NKD2: variants seen among roughly 807,000 people sequenced by gnomAD.
NKD2 encodes protein naked cuticle homolog 2.
In NKD2, 43 loss-of-function variants were observed where a neutral mutation model predicts 34.8. The ratio of observed to expected loss-of-function variants is 1.24; its 90% CI spans 0.97 to 1.60. The LOEUF (loss-of-function observed/expected upper bound fraction) is 1.60. NKD2 is among the 40% of genes most tolerant of loss of function. The probability of loss-of-function intolerance (pLI) is 0.00; values close to 1 mark genes in which losing one functional copy is unlikely to be tolerated. For synonymous variants in NKD2, 278 were observed against 265.1 expected (o/e 1.05, Z -0.47); for missense variants, 675 against 627.1 (o/e 1.08, Z -0.82).
chr5:1,021,957 C>G (rs1444391695), intron 3 of NKD2, among the ~76,000 whole-genome samples: 1 of 152,196 alleles, frequency 6.6e-6, no homozygotes, highest in Middle Eastern at 3.2e-3. Context: ...GGGCCGCCTG[C>G]AGCCTGCTGC....
intron 3 of NKD2, among the ~76,000 whole-genome samples, chr5:1,018,168 G>A (rs2150730887): frequency 6.6e-6 from 1 of 152,300 alleles, no homozygotes; most frequent in African/African-American, 2.4e-5. Context: ...TCTGCCAGAA[G>A]GAGCCACGGG....
chr5:1,025,860 C>T (rs915164177), intron 3 of NKD2, among the ~76,000 whole-genome samples: 76 of 101,258 alleles, frequency 7.5e-4, no homozygotes, highest in African/African-American at 1.9e-3. Context: ...CTGCTCTTCC[C>T]ACCCGCTGTG....
At chr5:1,018,722 G>A (rs955569046) in intron 3 of NKD2, among the ~76,000 whole-genome samples, 2 of 152,204 alleles carry the variant, frequency 1.3e-5, no homozygotes, top group Non-Finnish European at 1.5e-5. Flanking sequence ...GCTTCTGGCC[G>A]GTGGTCAGGA....
At position 1,009,707 on chromosome 5, in the gene NKD2, G is replaced by C. The variant is rs1411827864; in HGVS notation, c.141+147G>C. On this transcript the variant is annotated intron_variant, in intron 3 of 9. Transcript: ENST00000296849. The surrounding 1 kb of genome is among the most constrained non-coding windows in gnomAD (Gnocchi z 6.9). ...GAGTGACCGGGGGCCAGGAGAGCCA[G>C]TCTCTCCCCAGCCTCCACGACGTCT... is the stretch of plus-strand genomic sequence containing the variant. 9.5e-6 allele frequency: 6 copies of C among 631,804 alleles called. No homozygotes were observed. The highest frequency in any genetic ancestry group is 1.2e-5 in the Non-Finnish European group (5 of 405,926). The allele number at this position is 631,804 out of a possible 1,614,324, so 39.1% of individuals were successfully genotyped here. A position where few individuals can be genotyped will look rare whatever the true frequency, so the allele number is the denominator to read the frequency against.
chr5:1,035,296 GAATGAGTGAGTGAGTT>G (rs1733836098), intron 7 of NKD2, 77 bp from the exon 8 acceptor site: 2 of 996,540 alleles, frequency 2.0e-6, no homozygotes, highest in Middle Eastern at 2.1e-4. Context: ...ATGAATGAAT[GAATGAGTGAGTGAGTT>G]AATGAATGAG....
chr5:1,035,469 G>T lies in NKD2; in HGVS notation c.655G>T (p.Val219Phe). ...RVADRRLSAH[V>F]RRPSTDPQPC... ...GGCTGACAGGAGGTTGTCTGCACACGTCAGGTGAGGGCTGGGGTGCCAGGG... is the reference window on the plus strand; with the variant it reads ...GGCTGACAGGAGGTTGTCTGCACACTTCAGGTGAGGGCTGGGGTGCCAGGG... The change falls in exon 8 of 10, where the codon GTC becomes TTC. Residue 219 changes from valine to phenylalanine, a missense_variant. Coordinates refer to ENST00000296849, the MANE Select transcript of NKD2 (RefSeq NM_033120.4). 1 of 1,553,268 alleles carries T rather than the reference G, an allele frequency of 6.4e-7. No homozygotes were observed. The highest frequency in any genetic ancestry group is 1.2e-5 in the South Asian group (1 of 84,184).
At chr5:1,027,762 G>T (rs1330326858) in intron 3 of NKD2, among the ~76,000 whole-genome samples, 6 of 152,246 alleles carry the variant, frequency 3.9e-5, no homozygotes, top group Non-Finnish European at 8.8e-5. Flanking sequence ...GGCCCAGGAG[G>T]GGACAGCGCC....
At chr5:1,030,018 G>C (rs1014454213) in intron 3 of NKD2, among the ~76,000 whole-genome samples, 2 of 150,552 alleles carry the variant, frequency 1.3e-5, no homozygotes, top group South Asian at 2.2e-4. Flanking sequence ...TGTGGTGCGG[G>C]GGGGGGGGTA....
chr5:1,038,899 A>G lies in NKD2; in HGVS notation c.*526A>G, dbSNP rs1454054000. 2 of 257,732 alleles carry G rather than the reference A, an allele frequency of 7.8e-6. No homozygotes were observed. Among genetic ancestry groups the G allele is most frequent in the Non-Finnish European group, 1.5e-5 (2 of 130,400 alleles). 16.0% of individuals were successfully genotyped at this position (257,732 alleles called of 1,614,324 possible). ...GCAGGGAGCATCCGCGGCTCCCCGC[A>G]GGAGGCCAAGCAGCAGAAGGCAGCA... On this transcript the variant is annotated 3_prime_UTR_variant, in exon 10 of 10. Coordinates refer to ENST00000296849, the MANE Select transcript of NKD2 (RefSeq NM_033120.4). This position sits in a 1 kb window ranked among gnomAD's most constrained non-coding sequence, Gnocchi z 4.5.
At chr5:1,028,731 C>G (rs569366986) in intron 3 of NKD2, among the ~76,000 whole-genome samples, 25 of 150,794 alleles carry the variant, frequency 1.7e-4, no homozygotes, top group Admixed American at 1.5e-3. Flanking sequence ...GGGGGCGGAA[C>G]AGGTTGGGGG....
Position 1,032,593 on chromosome 5 carries a change from C to T in NKD2, c.202+381C>T, listed in dbSNP as rs183493327. Among the ~76,000 whole-genome samples the T allele has an allele frequency of 8.5e-5, 13 of 152,344 alleles. 2 individuals carry two copies. Among genetic ancestry groups the T allele is most frequent in the Middle Eastern group, 6.8e-3 (2 of 294 alleles). On this transcript the variant is annotated intron_variant, in intron 4 of 9. Transcript: ENST00000296849. ...GCTGGCCCAGCCTAAGTCACTGCCACGCGTGTATGCCTCAGTGGCACCAGT... is the reference window on the plus strand; with the variant it reads ...GCTGGCCCAGCCTAAGTCACTGCCATGCGTGTATGCCTCAGTGGCACCAGT...
intron 3 of NKD2, 66 bp from the exon 4 acceptor site, chr5:1,032,086 T>C: frequency 7.6e-7 from 1 of 1,310,070 alleles, no homozygotes; most frequent in Non-Finnish European, 1.1e-6. Context: ...CGCCCAGAGC[T>C]CCTGCCCATC....
rs368543149 is a variant in NKD2, at chr5:1,033,224, C to T, written c.203-148C>T. On this transcript the variant is annotated intron_variant, in intron 4 of 9. Coordinates refer to ENST00000296849, the MANE Select transcript of NKD2 (RefSeq NM_033120.4). The stretch of plus-strand genomic sequence containing the variant: ...GCCGGGATAGGGCCTCCCTCCCCTC[C>T]GCAGGGGTCCCAAGATCGGGCTCTC... 4.9e-5 allele frequency: 39 copies of T among 790,740 alleles called. 2 individuals are homozygous for T. Among genetic ancestry groups the T allele is most frequent in the Middle Eastern group, 7.8e-4 (2 of 2,564 alleles). The allele number at this position is 790,740 out of a possible 1,614,324, so 49.0% of individuals were successfully genotyped here.
rs147220476 is a variant in NKD2 at position 1,035,543 on chromosome 5, GCAGGCCA to G, written c.659+87_659+93del. Reference sequence around the variant, plus strand: ...CACCCTGGCCACACCCCTGCTTCCCGCAGGCCACAGGCCACAGGCCACACACCATCCT... The same window carrying G: ...CACCCTGGCCACACCCCTGCTTCCCGCAGGCCACAGGCCACACACCATCCT... On this transcript the variant is annotated intron_variant, in intron 8 of 9. Coordinates refer to ENST00000296849, the MANE Select transcript of NKD2 (RefSeq NM_033120.4). 1,449 of 1,247,186 alleles carry G rather than the reference GCAGGCCA, an allele frequency of 1.2e-3. 9 individuals are homozygous for G. In the East Asian group the frequency reaches 0.015, roughly 13 times the overall value. The allele number at this position is 1,247,186 out of a possible 1,614,324, so 77.3% of individuals were successfully genotyped here. A position where few individuals can be genotyped will look rare whatever the true frequency, so the allele number is the denominator to read the frequency against.
At chr5:1,027,747 C>G (rs917523221) in intron 3 of NKD2, among the ~76,000 whole-genome samples, 3 of 152,246 alleles carry the variant, frequency 2.0e-5, no homozygotes, top group Non-Finnish European at 4.4e-5. Flanking sequence ...CAGCTGCCCT[C>G]ACGAGGCCCA....
At chr5:1,022,630 C>T (rs368445763) in intron 3 of NKD2, among the ~76,000 whole-genome samples, 8 of 25,154 alleles carry the variant, frequency 3.2e-4, no homozygotes, top group East Asian at 1.5e-3. Flanking sequence ...CCGCTGTGGG[C>T]GTCCCAGCCC....
At chr5:1,036,695 G>A in intron 9 of NKD2, 1 of 551,596 alleles carries the variant, frequency 1.8e-6, no homozygotes, top group South Asian at 1.5e-5. Context: ...TTGCATTCAG[G>A]GAAACCCTGC....
chr5:1,021,931 C>G (rs1273133769), intron 3 of NKD2, among the ~76,000 whole-genome samples: 7 of 152,188 alleles, frequency 4.6e-5, no homozygotes, highest in Non-Finnish European at 5.9e-5. Flanking sequence ...GCCTGCTGCT[C>G]CGGGCCCCTC....
At chr5:1,026,801 G>A (rs1001591873) in intron 3 of NKD2, among the ~76,000 whole-genome samples, 3 of 152,380 alleles carry the variant, frequency 2.0e-5, no homozygotes, top group Non-Finnish European at 4.4e-5. Context: ...TGGCCTGGAC[G>A]TGGCCTTGGT....
Sources: gnomAD v4.1 joint callset for allele counts (sites outside exome capture counted in the v4.1 genomes callset) on GRCh38, gnomAD v4.1.1 for gene constraint, Gnocchi (gnomAD v3.1) non-coding constraint, MANE v1.5 for transcripts, NCBI Gene and HGNC (gene_info 2026-07-23, HGNC 2026-07-21) for gene names.